HACD1: variants seen among roughly 807,000 people sequenced by gnomAD.
HACD1 encodes the protein 3-hydroxyacyl-CoA dehydratase 1.
A neutral mutation model predicts 32.0 loss-of-function variants in HACD1; 41 were observed. The ratio of observed to expected loss-of-function variants is 1.28; its 90% CI spans 1.00 to 1.66. The LOEUF (loss-of-function observed/expected upper bound fraction) is 1.66, where lower values mean the gene tolerates loss of function less well. Ranked by LOEUF, HACD1 falls within the 40% of genes most tolerant of loss-of-function variation. HACD1 has a pLI of 0.00. For missense variants in HACD1, 396 were observed against 380.1 expected, an observed-to-expected ratio of 1.04 and a Z score of -0.35; for synonymous variants, 142 against 139.0, an observed-to-expected ratio of 1.02 and a Z score of -0.15.
chr10:17,614,015 C>T (rs1554817768), intron 1 of HACD1, among the ~76,000 whole-genome samples: 1 of 152,148 alleles, frequency 6.6e-6, no homozygotes, highest in African/African-American at 2.4e-5. Flanking sequence ...GTGGAGGTGG[C>T]AGGGAGTCAC....
At chr10:17,602,892 A>ATT (rs879967256) in intron 4 of HACD1, 2 of 145,764 alleles carry the variant, frequency 1.4e-5, no homozygotes, top group East Asian at 2.0e-4. Context: ...ATAAGATATA[A>ATT]TTTTTTTTTT....
chr10:17,609,155 G>GTTTTTTTTTTTTTTTTTTTTTTTTTTTTT (rs56347429), intron 1 of HACD1, among the ~76,000 whole-genome samples: 1 of 132,128 alleles, frequency 7.6e-6, no homozygotes, highest in African/African-American at 2.9e-5. Context: ...TGTGCAAAAG[G>GTTTTTTTTTTTTTTTTTTTTTTTTTTTTT]TTTTTTTTTT....
intron 1 of HACD1, among the ~76,000 whole-genome samples, chr10:17,612,401 C>T (rs1361924069): frequency 2.6e-5 from 4 of 152,162 alleles, no homozygotes; most frequent in Non-Finnish European, 5.9e-5. Context: ...AATACATTCA[C>T]TCATTCATTC....
At position 17,615,173 on chromosome 10, in the gene HACD1, T is replaced by C. The variant is rs537154124; in HGVS notation, c.257+1910A>G. 2.6e-5 allele frequency among the ~76,000 whole-genome samples: 4 copies of C among 152,380 alleles called. No individual in the cohort carries two copies. In the South Asian group the frequency reaches 8.3e-4, roughly 32 times the overall value. On this transcript the variant is annotated intron_variant, in intron 1 of 6. Coordinates refer to ENST00000361271, the MANE Select transcript of HACD1 (RefSeq NM_014241.4). The stretch of plus-strand genomic sequence containing the variant: ...GTTGTAAATACATTAGTTTTCTCAC[T>C]TTCCAAGAGTATAATTTAGGAGGAA...
chr10:17,604,658 A>C (rs1834120740), intron 1 of HACD1, among the ~76,000 whole-genome samples: 2 of 152,216 alleles, frequency 1.3e-5, no homozygotes, highest in East Asian at 1.9e-4. Context: ...TTCTTTAAAA[A>C]ATTTCTTTTT....
At chr10:17,612,997 G>A (rs750275333) in intron 1 of HACD1, among the ~76,000 whole-genome samples, 58 of 151,674 alleles carry the variant, frequency 3.8e-4, no homozygotes, top group Non-Finnish European at 6.5e-4. Flanking sequence ...AAAAGAAAAT[G>A]AAAGTGTGTG....
chr10:17,598,854 C>T (rs1434900242), intron 5 of HACD1, among the ~76,000 whole-genome samples: 1 of 151,924 alleles, frequency 6.6e-6, no homozygotes, highest in Non-Finnish European at 1.5e-5. Flanking sequence ...AAAAATGTCT[C>T]TGCAACTTAA....
In HACD1 at chr10:17,617,344, A is replaced by G; in HGVS notation, c.-5T>C. On this transcript the variant is annotated 5_prime_UTR_variant, in exon 1 of 7. Coordinates refer to ENST00000361271, the MANE Select transcript of HACD1 (RefSeq NM_014241.4). ...CGCTTCCGTCAGGCGCCCCATGTGC[A>G]GCGCGCAGGGGGCTCGGCGCAGCCA... 2 of 1,396,212 alleles carry G rather than the reference A, an allele frequency of 1.4e-6. No homozygotes were observed. The highest frequency in any genetic ancestry group is 1.8e-6 in the Non-Finnish European group (2 of 1,081,606). The allele number at this position is 1,396,212 out of a possible 1,614,324, so 86.5% of individuals were successfully genotyped here. A position where few individuals can be genotyped will look rare whatever the true frequency, so the allele number is the denominator to read the frequency against.
At chr10:17,591,976 ATTTTTTTTTTTTTT>A (rs71393019) in intron 6 of HACD1, among the ~76,000 whole-genome samples, 1 of 96,942 alleles carries the variant, frequency 1.0e-5, no homozygotes, top group Admixed American at 1.3e-4. Context: ...CCAGCTACTG[ATTTTTTTTTTTTTT>A]TTTTTTTTTG....
intron 1 of HACD1, among the ~76,000 whole-genome samples, chr10:17,616,649 A>C (rs1321504278): frequency 1.3e-5 from 2 of 151,188 alleles, no homozygotes; most frequent in Non-Finnish European, 2.9e-5. Context: ...TGCTTTAAAA[A>C]AAAAAAAAAA....
chr10:17,603,454 TCCAACAC>T, intron 4 of HACD1, 99 bp downstream of exon 4: 1 of 1,066,230 alleles, frequency 9.4e-7, no homozygotes, highest in Admixed American at 2.6e-5. Context: ...CTCCTTTTTG[TCCAACAC>T]TTCCACCTCC....
chr10:17,607,549 A>G (rs887771596), intron 1 of HACD1, among the ~76,000 whole-genome samples: 2 of 152,336 alleles, frequency 1.3e-5, no homozygotes, highest in Non-Finnish European at 2.9e-5. Context: ...ATGTCCACAA[A>G]AGATAAGTTT....
intron 6 of HACD1, 151 bp from the exon 7 acceptor site, chr10:17,590,597 G>A (rs1052419429): frequency 9.9e-6 from 5 of 505,882 alleles, no homozygotes; most frequent in Admixed American, 7.7e-5. Flanking sequence ...CTATAAGAGT[G>A]CAAATGGAAG....
chr10:17,603,585 C>T lies in HACD1; in HGVS notation c.458G>A (p.Trp153Ter). The T allele has an allele frequency of 1.9e-6, 3 of 1,612,804 alleles. No individual in the cohort carries two copies. Among genetic ancestry groups the T allele is most frequent in the South Asian group, 1.1e-5 (1 of 91,038 alleles). Residue 153 changes from tryptophan to a stop codon, truncating the protein, a stop_gained, in exon 4 of 7, where the codon TGG (tryptophan) becomes TAG (stop). Coordinates refer to ENST00000361271, the MANE Select transcript of HACD1 (RefSeq NM_014241.4). LOFTEE classifies it high-confidence loss of function. ...TGGTTTTATACTGTGAGTAATGAGC[C>T]ACACCATAAAGATTCTTGAACTCAC... ...VQVSSRIFMV[W>*]LITHSIKPIQ...
At chr10:17,593,942 T>C (rs1390429004) in intron 6 of HACD1, among the ~76,000 whole-genome samples, 1 of 152,208 alleles carries the variant, frequency 6.6e-6, no homozygotes, top group Non-Finnish European at 1.5e-5. Context: ...AAAAAAATCA[T>C]ACTAAGCTGA....
In HACD1 at chr10:17,617,143, C is replaced by A; in HGVS notation, c.197G>T (p.Arg66Met). 3 of 1,507,526 alleles carry A rather than the reference C, an allele frequency of 2.0e-6. No homozygotes were observed. The highest frequency in any genetic ancestry group is 2.7e-6 in the Non-Finnish European group (3 of 1,131,512). The allele number at this position is 1,507,526 out of a possible 1,614,324, so 93.4% of individuals were successfully genotyped here. ...GEDREAPGER[R>M]RLGVLATAWL... is the part of the protein sequence containing the mutation. ...GGCGGTGGCCAAGACCCCCAGGCGC[C>A]TCCGCTCGCCGGGAGCCTCCCGGTC... The change falls in exon 1 of 7, where the codon AGG becomes ATG. Residue 66 changes from arginine to methionine, a missense_variant. Physicochemically the swap from Arg to Met is moderately conservative, Grantham distance 91. Coordinates refer to ENST00000361271, the MANE Select transcript of HACD1 (RefSeq NM_014241.4).
chr10:17,604,070 A>G (rs782226444), intron 1 of HACD1, 23 bp from the exon 2 acceptor site: 9 of 1,466,374 alleles, frequency 6.1e-6, no homozygotes, highest in Middle Eastern at 1.8e-4. Context: ...AGTATTTCAT[A>G]AAGTTCTTTC....
rs1834101365 is a variant in HACD1 at position 17,603,602 on chromosome 10, T to C, written c.441A>G (p.Ser147=). ...SVIVTGVQVS[S]RIFMVWLITH... is the part of the protein sequence containing the mutation. ...TAATGAGCCACACCATAAAGATTCT[T>C]GAACTCACTTGGACCCCAGTCACAA... The change falls in exon 4 of 7, where the codon TCA becomes TCG. Residue 147 remains serine (S), a synonymous_variant. Transcript: ENST00000361271. The C allele has an allele frequency of 6.2e-7, 1 of 1,613,528 alleles. No individual in the cohort carries two copies. The highest frequency in any genetic ancestry group is 1.6e-4 in the Middle Eastern group (1 of 6,080).
chr10:17,610,632 C>T (rs78305119), intron 1 of HACD1, among the ~76,000 whole-genome samples: 1 of 128,340 alleles, frequency 7.8e-6, no homozygotes, highest in Non-Finnish European at 1.7e-5. Flanking sequence ...GACTCTGTCT[C>T]AAAAAAAAAA....
Sources: allele counts gnomAD v4.1 joint callset (sites outside exome capture counted in the v4.1 genomes callset), GRCh38; gene constraint gnomAD v4.1.1; transcripts MANE v1.5; gene names NCBI Gene and HGNC (gene_info 2026-07-23, HGNC 2026-07-21).